CD151: variants seen among roughly 807,000 people sequenced by gnomAD.
CD151 encodes the protein CD151 antigen.
Under a neutral mutation model 34.2 loss-of-function variants are expected in CD151, and 20 were observed. The observed-to-expected ratio is 0.58, with a 90% CI of 0.41 to 0.85. The LOEUF (loss-of-function observed/expected upper bound fraction) is 0.85, where lower values mean the gene tolerates loss of function less well. Among genes scored for constraint, CD151 ranks in the 40% least tolerant of loss-of-function variants. The pLI, the probability that CD151 is intolerant of heterozygous loss-of-function variation, is 0.00. For missense variants in CD151, 306 were observed against 324.5 expected (o/e 0.94, Z 0.44); for synonymous variants, 157 against 131.7 (o/e 1.19, Z -1.32).
Position 837,504 on chromosome 11 carries a change from T to C in CD151, c.501T>C (p.Ser167=), listed in dbSNP as rs764993936. ...GSNNSQDWRD[S]EWIRSQEAGG... ...ACAACTCACAGGACTGGCGAGACAG[T>C]GAGTGGATCCGCTCACAGGAGGCCG... The change falls in exon 7 of 9, where the codon AGT becomes AGC. Residue 167 remains serine, a synonymous_variant. Coordinates refer to ENST00000397420, the MANE Select transcript of CD151 (RefSeq NM_004357.5). 37 of 1,612,894 alleles carry C rather than the reference T, an allele frequency of 2.3e-5. No individual in the cohort carries two copies. In the South Asian group the frequency reaches 3.8e-4, roughly 17 times the overall value.
chr11:837,875 G>A (rs926886125), intron 7 of CD151, 67 bp from the exon 8 acceptor site: 77 of 1,278,776 alleles, frequency 6.0e-5, no homozygotes, highest in Middle Eastern at 4.6e-4. Context: ...CCTGGAGGCT[G>A]GAGGCAGTAG....
At chr11:837,108 C>T (rs1289505949) in intron 5 of CD151, 142 bp from the exon 6 acceptor site, 2 of 713,580 alleles carry the variant, frequency 2.8e-6, no homozygotes, top group Non-Finnish European at 4.9e-6. Context: ...CCAACCTCCC[C>T]TCATGCCGAG....
In CD151 at chr11:836,183, C is replaced by G; in HGVS notation, c.84+30C>G. The G allele has an allele frequency of 2.1e-6, 3 of 1,451,082 alleles. 1 individual carries two copies. The highest frequency in any genetic ancestry group is 1.9e-6 in the Non-Finnish European group (2 of 1,034,736). The allele number at this position is 1,451,082 out of a possible 1,614,324, so 89.9% of individuals were successfully genotyped here. A position where few individuals can be genotyped will look rare whatever the true frequency, so the allele number is the denominator to read the frequency against. On this transcript the variant is annotated intron_variant, in intron 3 of 8. Coordinates refer to ENST00000397420, the MANE Select transcript of CD151 (RefSeq NM_004357.5). ...GGAGGGGTCGCCTTGCCCCCACCCC[C>G]ACCCCCACCCCTCCCGGGCCACCAT...
intron 5 of CD151, 123 bp from the exon 6 acceptor site, chr11:837,127 T>G: frequency 1.2e-6 from 1 of 811,214 alleles, no homozygotes; most frequent in South Asian, 1.6e-5. Flanking sequence ...AGGTGTGACC[T>G]CAGCCCTTCC....
intron 7 of CD151, 124 bp downstream of exon 7, chr11:837,742 G>C: frequency 2.9e-6 from 3 of 1,039,818 alleles, no homozygotes; most frequent in Non-Finnish European, 4.2e-6. Context: ...TCACCCCAGT[G>C]GCCGGATGTG....
At chr11:834,124 C>T (rs914232647) in intron 1 of CD151, 4 of 152,136 alleles carry the variant, frequency 2.6e-5, no homozygotes, top group African/African-American at 9.7e-5. Context: ...CTTGGGAGGC[C>T]AAGGCGGGTG....
At position 838,113 on chromosome 11, in the gene CD151, C is replaced by T; in HGVS notation, c.703-20C>T. The stretch of plus-strand genomic sequence containing the variant: ...GTGGCCCCATGACGTCTGCTTACGC[C>T]CACCCGGCTCTGCACACAGGTCTTT... On this transcript the variant is annotated intron_variant, in intron 8 of 8. Coordinates refer to ENST00000397420, the MANE Select transcript of CD151 (RefSeq NM_004357.5). The T allele has an allele frequency of 1.2e-6, 2 of 1,612,414 alleles. No individual in the cohort carries two copies. The highest frequency in any genetic ancestry group is 1.7e-6 in the Non-Finnish European group (2 of 1,179,122).
chr11:838,013 C>T lies in CD151; in HGVS notation c.687C>T (p.Gly229=), dbSNP rs572689402. 1,709 of 1,613,338 alleles carry T rather than the reference C, an allele frequency of 1.1e-3. 36 individuals are homozygous for T. In the South Asian group the frequency reaches 0.017, roughly 16 times the overall value. ...HLRVIGAVGI[G]IACVQVFGMI... is the part of the protein sequence containing the mutation. ...GGGTCATTGGGGCTGTGGGGATCGG[C>T]ATTGCCTGTGTGCAGGTGAGGGCAC... Residue 229 remains glycine (G), a synonymous_variant, in exon 8 of 9, where the codon GGC becomes GGT. Coordinates refer to ENST00000397420, the MANE Select transcript of CD151 (RefSeq NM_004357.5).
chr11:836,471 G>C (rs1440023570), intron 4 of CD151, 29 bp downstream of exon 4: 1 of 1,545,756 alleles, frequency 6.5e-7, no homozygotes, highest in African/African-American at 1.4e-5. Context: ...CACGGGGTGG[G>C]GGTGGTGCAG....
At chr11:834,264 CAGG>C (rs1193117779) in intron 1 of CD151, among the ~76,000 whole-genome samples, 1 of 152,108 alleles carries the variant, frequency 6.6e-6, no homozygotes, top group Non-Finnish European at 1.5e-5. Flanking sequence ...GAGGCTGAGG[CAGG>C]AGAATTGCTT....
In CD151 at chr11:838,508, C is replaced by A; in HGVS notation, c.*316C>A. 6.0e-6 allele frequency: 3 copies of A among 500,884 alleles called. No homozygotes were observed. Among genetic ancestry groups the A allele is most frequent in the South Asian group, 4.5e-5 (2 of 44,124 alleles). 31.0% of individuals were successfully genotyped at this position (500,884 alleles called of 1,614,324 possible). A position where few individuals can be genotyped will look rare whatever the true frequency, so the allele number is the denominator to read the frequency against. ...CGAGCGTTCCCAGCAGGGGGAGAAA[C>A]CCTTCACACCCCAGGCCCTTCAGGA... is the stretch of plus-strand genomic sequence containing the variant. On this transcript the variant is annotated 3_prime_UTR_variant, in exon 9 of 9. Coordinates refer to ENST00000397420, the MANE Select transcript of CD151 (RefSeq NM_004357.5).
At position 837,549 on chromosome 11, in the gene CD151, C is replaced by G; in HGVS notation, c.546C>G (p.Asp182Glu). 1.2e-6 allele frequency: 2 copies of G among 1,613,166 alleles called. No homozygotes were observed. Among genetic ancestry groups the G allele is most frequent in the South Asian group, 1.1e-5 (1 of 91,078 alleles). Residue 182 changes from aspartate to glutamate, a missense_variant, in exon 7 of 9, where the codon GAC becomes GAG. Transcript: ENST00000397420. ...AGGCCGGTGGCCGTGTGGTCCCAGA[C>G]AGCTGCTGCAAGACGGTGGTGGCTC... The part of the protein sequence containing the change: ...SQEAGGRVVP[D>E]SCCKTVVALC...
chr11:838,176 A>T lies in CD151; in HGVS notation c.746A>T (p.Lys249Met), dbSNP rs1282599596. 1 of 1,613,152 alleles carries T rather than the reference A, an allele frequency of 6.2e-7. No individual in the cohort carries two copies. Among genetic ancestry groups the T allele is most frequent in the East Asian group, 2.2e-5 (1 of 44,880 alleles). Reference sequence around the variant, plus strand: ...ACGTGCTGCCTGTACAGGAGTCTCAAGCTGGAGCACTACTGACCCTGCCTT... The same window carrying T: ...ACGTGCTGCCTGTACAGGAGTCTCATGCTGGAGCACTACTGACCCTGCCTT... ...IFTCCLYRSL[K>M]LEHY Residue 249 changes from lysine to methionine, a missense_variant, in exon 9 of 9, where the codon AAG (lysine) becomes ATG (methionine). Coordinates refer to ENST00000397420, the MANE Select transcript of CD151 (RefSeq NM_004357.5).
chr11:836,930 A>AC (rs1291927827), intron 5 of CD151, 87 bp downstream of exon 5: 7 of 1,129,668 alleles, frequency 6.2e-6, no homozygotes, highest in Non-Finnish European at 9.3e-6. Context: ...GCTAGCCCCA[A>AC]CCCCCACCCC....
Position 838,314 on chromosome 11 carries a change from C to T in CD151, c.*122C>T. ...TCACCATAACCTCTGGGGACCCCAA[C>T]CTCAGAGGCAGCTTCAAGTGCCTTT... is the stretch of plus-strand genomic sequence containing the variant. On this transcript the variant is annotated 3_prime_UTR_variant, in exon 9 of 9. Coordinates refer to ENST00000397420, the MANE Select transcript of CD151 (RefSeq NM_004357.5). 1 of 797,102 alleles carries T rather than the reference C, an allele frequency of 1.3e-6. No homozygotes were observed. The highest frequency in any genetic ancestry group is 1.5e-5 in the South Asian group (1 of 65,844). The allele number at this position is 797,102 out of a possible 1,614,324, so 49.4% of individuals were successfully genotyped here.
rs1846753757 is a variant in CD151 at position 836,088 on chromosome 11, A to T, written c.19A>T (p.Lys7Ter). 1 of 1,612,464 alleles carries T rather than the reference A, an allele frequency of 6.2e-7. No homozygotes were observed. Residue 7 changes from lysine to a stop codon, truncating the protein, a stop_gained, in exon 3 of 9, where the codon AAG (lysine) becomes TAG (stop). Coordinates refer to ENST00000397420, the MANE Select transcript of CD151 (RefSeq NM_004357.5). LOFTEE classifies it high-confidence loss of function. The stretch of plus-strand genomic sequence containing the variant: ...CCCCAGGATGGGTGAGTTCAACGAG[A>T]AGAAGACAACATGTGGCACCGTTTG... MGEFNEKKTTCGTVCLK... is the reference protein window; with the variant it reads MGEFNE
chr11:836,043 C>T lies in CD151; in HGVS notation c.-7-20C>T, dbSNP rs192915611. On this transcript the variant is annotated intron_variant, in intron 2 of 8. Coordinates refer to ENST00000397420, the MANE Select transcript of CD151 (RefSeq NM_004357.5). The stretch of plus-strand genomic sequence containing the variant: ...GGGCCCGGTGCTGTGGCCCCGCTGA[C>T]CCCTCCCCTGCCTCCTCAGCCCCAG... The T allele has an allele frequency of 0.015, 22,151 of 1,507,524 alleles. 206 individuals are homozygous for T. The highest frequency in any genetic ancestry group is 0.017 in the Non-Finnish European group (18,699 of 1,084,470). 93.4% of individuals were successfully genotyped at this position (1,507,524 alleles called of 1,614,324 possible).
At chr11:836,031 T>A in intron 2 of CD151, 32 bp from the exon 3 acceptor site, 1 of 1,304,182 alleles carries the variant, frequency 7.7e-7, no homozygotes, top group Non-Finnish European at 1.1e-6. Flanking sequence ...CCCGGTGCTG[T>A]GGCCCCGCTG....
At chr11:836,211 G>C in intron 3 of CD151, 40 bp from the exon 4 acceptor site, 1 of 1,543,846 alleles carries the variant, frequency 6.5e-7, no homozygotes, top group Non-Finnish European at 8.9e-7. Flanking sequence ...GCCACCATCA[G>C]ACCTGGGCAG....
Sources: allele counts gnomAD v4.1 joint callset (sites outside exome capture counted in the v4.1 genomes callset), GRCh38; gene constraint gnomAD v4.1.1; transcripts MANE v1.5; gene names NCBI Gene and HGNC (gene_info 2026-07-23, HGNC 2026-07-21).